SELE: variants seen among roughly 807,000 people sequenced by gnomAD.
SELE encodes selectin E, also known as E-selectin.
SELE carries 52 observed loss-of-function variants against 75.8 expected under a neutral mutation model. The ratio of observed to expected loss-of-function variants is 0.69; its 90% confidence interval spans 0.55 to 0.86. SELE has a LOEUF of 0.86. Among genes scored for constraint, SELE ranks in the 40% least tolerant of loss-of-function variants. The probability of loss-of-function intolerance (pLI) is 0.00; values close to 1 mark genes in which losing one functional copy is unlikely to be tolerated. For synonymous variants in SELE, 285 were observed against 258.7 expected, an observed-to-expected ratio of 1.10 and a Z score of -0.98; for missense variants, 754 against 732.7, an observed-to-expected ratio of 1.03 and a Z score of -0.34.
chr1:169,731,996 T>G, intron 3 of SELE, 54 bp from the exon 4 acceptor site: 1 of 1,155,596 alleles, frequency 8.7e-7, no homozygotes, highest in South Asian at 1.3e-5. Context: ...TTATACTGAG[T>G]GCCTTTGATT....
At chr1:169,733,903 T>C in intron 1 of SELE, 68 bp downstream of exon 1, 1 of 440,306 alleles carries the variant, frequency 2.3e-6, no homozygotes, top group East Asian at 4.2e-5. Flanking sequence ...GTGGTTTTTA[T>C]TAGAAGGCCT....
Position 169,729,574 on chromosome 1 carries a change from C to T in SELE, c.815G>A (p.Cys272Tyr). ...TCCCATTAGTTCAAATCCTTCTTCA[C>T]AGTCAAATGTACAGGTTGTGTTCCA... ...FPWNTTCTFDCEEGFELMGAQ... is the reference protein window; with the variant it reads ...FPWNTTCTFDYEEGFELMGAQ... Residue 272 changes from cysteine (C) to tyrosine (Y), a missense_variant, in exon 6 of 14, where the codon TGT (cysteine) becomes TAT (tyrosine). By Grantham distance (194) the Cys-to-Tyr change is radical. Coordinates refer to ENST00000333360, the MANE Select transcript of SELE (RefSeq NM_000450.2). 4.3e-6 allele frequency: 7 copies of T among 1,614,196 alleles called. No individual in the cohort carries two copies. Among genetic ancestry groups the T allele is most frequent in the Non-Finnish European group, 4.2e-6 (5 of 1,180,030 alleles).
chr1:169,733,481 C>A (rs1053286357), intron 2 of SELE, 95 bp downstream of exon 2: 2 of 1,242,638 alleles, frequency 1.6e-6, no homozygotes, highest in Non-Finnish European at 2.4e-6. Flanking sequence ...TGCCAGATAT[C>A]CTGTGCAGGA....
At chr1:169,730,742 A>G in intron 4 of SELE, 125 bp from the exon 5 acceptor site, 1 of 519,266 alleles carries the variant, frequency 1.9e-6, no homozygotes. Context: ...TTTCTAATGG[A>G]ATTTGTAAAA....
In SELE at chr1:169,725,768, G is replaced by C; in HGVS notation, c.1809C>G (p.Tyr603Ter). The C allele has an allele frequency of 6.2e-7, 1 of 1,614,032 alleles. No homozygotes were observed. Among genetic ancestry groups the C allele is most frequent in the Non-Finnish European group, 8.5e-7 (1 of 1,179,964 alleles). The change falls in exon 13 of 14, where the codon TAC becomes TAG. Residue 603 changes from tyrosine (Y) to a stop codon, truncating the protein, a stop_gained. Coordinates refer to ENST00000333360, the MANE Select transcript of SELE (RefSeq NM_000450.2). LOFTEE classifies it high-confidence loss of function. Reference sequence around the variant, plus strand: ...CTTAAAGGATGTAAGAAGGCTTTTGGTAGCTTCCATCTGATTCAAGGCTTT... The same window carrying C: ...CTTAAAGGATGTAAGAAGGCTTTTGCTAGCTTCCATCTGATTCAAGGCTTT... ...SCQSLESDGSYQKPSYIL is the reference protein window; with the variant it reads ...SCQSLESDGS
chr1:169,727,823 C>T lies in SELE; in HGVS notation c.1384G>A (p.Glu462Lys), dbSNP rs1335233906. 6.8e-6 allele frequency: 11 copies of T among 1,614,034 alleles called. No homozygotes were observed. The highest frequency in any genetic ancestry group is 1.3e-5 in the African/African-American group (1 of 74,928). The change falls in exon 9 of 14, where the codon GAG (glutamate) becomes AAG (lysine). Residue 462 changes from glutamate (E) to lysine (K), a missense_variant. Coordinates refer to ENST00000333360, the MANE Select transcript of SELE (RefSeq NM_000450.2). ...TYKSSCAFSC[E>K]EGFELHGSTQ... is the part of the protein sequence containing the mutation. ...GATCCATGTAATTCAAATCCCTCCTCACAGCTGAAGGCACAAGAGGACTTG... is the reference window on the plus strand; with the variant it reads ...GATCCATGTAATTCAAATCCCTCCTTACAGCTGAAGGCACAAGAGGACTTG...
chr1:169,724,751 T>C (rs1367403398), intron 13 of SELE, among the ~76,000 whole-genome samples: 3 of 152,200 alleles, frequency 2.0e-5, no homozygotes, highest in Admixed American at 6.5e-5. Flanking sequence ...AATAATAATG[T>C]ATCAATATTG....
chr1:169,731,616 T>C (rs1648913917), intron 4 of SELE: 1 of 472,374 alleles, frequency 2.1e-6, no homozygotes. Flanking sequence ...AAAACTGACA[T>C]AGAGAGTTAA....
At chr1:169,727,994 C>A (rs1648818376) in intron 8 of SELE, 64 bp downstream of exon 8, 5 of 1,585,990 alleles carry the variant, frequency 3.2e-6, no homozygotes, top group East Asian at 2.2e-5. Context: ...CCCAAGGTAA[C>A]CAAGTTCCCA....
rs1022381163 is a variant in SELE, at chr1:169,727,392, A to G, written c.1602T>C (p.Cys534=). ...GGCCAGACCAGTGTCCTGTGGCTCC[A>G]CATGTCCGAGCTGCAGAGCCATTGA... ...WTLNGSAART[C]GATGHWSGLL... Residue 534 remains cysteine (C), a synonymous_variant, in exon 10 of 14, where the codon TGT becomes TGC. Transcript: ENST00000333360. The G allele has an allele frequency of 1.2e-6, 2 of 1,614,048 alleles. No homozygotes were observed. Among genetic ancestry groups the G allele is most frequent in the Non-Finnish European group, 1.7e-6 (2 of 1,180,020 alleles).
intron 5 of SELE, 69 bp from the exon 6 acceptor site, chr1:169,729,742 G>T: frequency 6.7e-7 from 1 of 1,484,134 alleles, no homozygotes; most frequent in Non-Finnish European, 9.2e-7. Flanking sequence ...TGAGCTGGGT[G>T]CCTAACAGAG....
chr1:169,733,404 A>T (rs536857624), intron 2 of SELE, among the ~76,000 whole-genome samples, 172 bp downstream of exon 2: 21 of 152,330 alleles, frequency 1.4e-4, no homozygotes, highest in Admixed American at 1.2e-3. Flanking sequence ...AAAGGGAGAC[A>T]CCAAGAGGTA....
Position 169,730,587 on chromosome 1 carries a change from T to G in SELE, c.560A>C (p.Glu187Ala). 6.2e-7 allele frequency: 1 copy of G among 1,613,958 alleles called. No homozygotes were observed. Among genetic ancestry groups the G allele is most frequent in the Non-Finnish European group, 8.5e-7 (1 of 1,179,950 alleles). The change falls in exon 5 of 14, where the codon GAG becomes GCG. Residue 187 changes from glutamate to alanine, a missense_variant. Glu to Ala is a moderately radical substitution (Grantham distance 107). Coordinates refer to ENST00000333360, the MANE Select transcript of SELE (RefSeq NM_000450.2). ...IVNCTALESP[E>A]HGSLVCSHPL... The stretch of plus-strand genomic sequence containing the variant: ...GTGACTGCAAACCAGGCTTCCATGC[T>G]CAGGGGATTCCAGGGCTGTACAGTT...
In SELE at chr1:169,726,783, A is replaced by G. The variant is rs140148143; in HGVS notation, c.1669T>C (p.Leu557=). ...CEAPTESNIP[L]VAGLSAAGLS... is the part of the protein sequence containing the mutation. Reference sequence around the variant, plus strand: ...CCAGCAGCAGAAAGTCCAGCTACCAAGGGAATGTTGGACTCAGTGGGAGCT... The same window carrying G: ...CCAGCAGCAGAAAGTCCAGCTACCAGGGGAATGTTGGACTCAGTGGGAGCT... The change falls in exon 11 of 14, where the codon TTG becomes CTG. Residue 557 remains leucine, a synonymous_variant. Coordinates refer to ENST00000333360, the MANE Select transcript of SELE (RefSeq NM_000450.2). 5.3e-4 allele frequency: 858 copies of G among 1,613,440 alleles called. No individual in the cohort carries two copies. The highest frequency in any genetic ancestry group is 6.7e-4 in the Non-Finnish European group (792 of 1,179,598).
At chr1:169,726,206 C>G (rs1218354568) in intron 11 of SELE, among the ~76,000 whole-genome samples, 1 of 152,134 alleles carries the variant, frequency 6.6e-6, no homozygotes, top group Non-Finnish European at 1.5e-5. Context: ...AGTCCAAAGT[C>G]TTAATTTAAA....
chr1:169,732,505 T>A, intron 3 of SELE, 110 bp downstream of exon 3: 1 of 1,327,900 alleles, frequency 7.5e-7, no homozygotes, highest in Non-Finnish European at 1.0e-6. Flanking sequence ...TTAAACAGAA[T>A]CTTTTGGAAC....
In SELE at chr1:169,730,457, C is replaced by T. The variant is rs934875938; in HGVS notation, c.690G>A (p.Trp230Ter). 1.2e-6 allele frequency: 2 copies of T among 1,608,406 alleles called. No individual in the cohort carries two copies. Among genetic ancestry groups the T allele is most frequent in the African/African-American group, 2.7e-5 (2 of 74,842 alleles). Reference protein sequence around the residue: ...ETMQCMSSGEWSAPIPACNVV... With the variant: ...ETMQCMSSGE ...CATTGCAGGCTGGAATAGGAGCACT[C>T]CATTCTCCAGAGGACATACACTGCA... The change falls in exon 5 of 14, where the codon TGG (tryptophan) becomes TGA (stop). Residue 230 changes from tryptophan (W) to a stop codon, truncating the protein, a stop_gained. Coordinates refer to ENST00000333360, the MANE Select transcript of SELE (RefSeq NM_000450.2). LOFTEE classifies it high-confidence loss of function.
At chr1:169,725,474 T>A (rs1648717184) in intron 13 of SELE, among the ~76,000 whole-genome samples, 1 of 151,986 alleles carries the variant, frequency 6.6e-6, no homozygotes, top group African/African-American at 2.4e-5. Flanking sequence ...ATTCCCAGAA[T>A]ATAATAAGTG....
Position 169,732,927 on chromosome 1 carries a change from T to C in SELE, c.109A>G (p.Ser37Gly), listed in dbSNP as rs765872645. The change falls in exon 3 of 14, where the codon AGT (serine) becomes GGT (glycine). Residue 37 changes from serine to glycine, a missense_variant. Physicochemically the swap from Ser to Gly is moderately conservative, Grantham distance 56. Transcript: ENST00000333360. ...STEAMTYDEA[S>G]AYCQQRYTHL... ...GTGTACCTTTGCTGACAATAAGCAC[T>C]GGCCTCATCATAAGTCATAGCTTCC... 1.9e-6 allele frequency: 3 copies of C among 1,613,968 alleles called. No individual in the cohort carries two copies. Among genetic ancestry groups the C allele is most frequent in the Non-Finnish European group, 1.7e-6 (2 of 1,179,950 alleles).
Sources: gnomAD v4.1 joint callset for allele counts (sites outside exome capture counted in the v4.1 genomes callset) on GRCh38, gnomAD v4.1.1 for gene constraint, MANE v1.5 for transcripts, NCBI Gene and HGNC (gene_info 2026-07-23, HGNC 2026-07-21) for gene names.